Variants in ZBTB7C observed in about 807,000 individuals in gnomAD.
The protein encoded by ZBTB7C is zinc finger and BTB domain containing 7C.
In ZBTB7C, 8 loss-of-function variants were observed where a neutral mutation model predicts 25.7. The ratio of observed to expected loss-of-function variants is 0.31; its 90% confidence interval spans 0.18 to 0.56. ZBTB7C has a LOEUF of 0.56. ZBTB7C is among the 20% of genes least tolerant of loss of function. The pLI, the probability that ZBTB7C is intolerant of heterozygous loss-of-function variation, is 0.91. For missense variants in ZBTB7C, 824 were observed against 855.2 expected (o/e 0.96, Z 0.46); for synonymous variants, 394 against 369.0 (o/e 1.07, Z -0.78).
intron 3 of ZBTB7C, among the ~76,000 whole-genome samples, chr18:48,158,635 C>A (rs532095948): frequency 3.3e-5 from 5 of 152,276 alleles, no homozygotes; most frequent in African/African-American, 1.2e-4. Context: ...GGCCTACTTT[C>A]TCCTAGTTCC....
At chr18:48,141,149 C>G (rs1486186994) in intron 3 of ZBTB7C, among the ~76,000 whole-genome samples, 1 of 147,520 alleles carries the variant, frequency 6.8e-6, no homozygotes, top group Non-Finnish European at 1.5e-5. Context: ...CCGCACCACC[C>G]CCCCCACTGT....
intron 2 of ZBTB7C, among the ~76,000 whole-genome samples, chr18:48,313,154 G>A (rs984263490): frequency 1.3e-5 from 2 of 152,194 alleles, no homozygotes; most frequent in African/African-American, 4.8e-5. Context: ...TATCCAAGAT[G>A]ACACAGTATT....
intron 2 of ZBTB7C, among the ~76,000 whole-genome samples, chr18:48,186,965 A>G (rs2042071198): frequency 1.3e-5 from 2 of 152,240 alleles, no homozygotes; most frequent in Non-Finnish European, 2.9e-5. Context: ...AGTGAAGGCA[A>G]AGAGGCCTTG....
chr18:48,115,674 G>A (rs192757835), intron 3 of ZBTB7C, among the ~76,000 whole-genome samples: 28 of 152,240 alleles, frequency 1.8e-4, no homozygotes, highest in African/African-American at 6.5e-4. Flanking sequence ...ATGAACATTC[G>A]TATACTAGTA....
rs1018534204 is a variant in ZBTB7C at position 48,027,199 on chromosome 18, A to G, written c.*2061T>C. 15 of 152,064 alleles carry G rather than the reference A, an allele frequency of 9.9e-5. No homozygotes were observed. The highest frequency in any genetic ancestry group is 3.6e-4 in the African/African-American group (15 of 41,414). The allele number at this position is 152,064 out of a possible 1,614,324, so 9.4% of individuals were successfully genotyped here. A position where few individuals can be genotyped will look rare whatever the true frequency, so the allele number is the denominator to read the frequency against. On this transcript the variant is annotated 3_prime_UTR_variant, in exon 5 of 5. Coordinates refer to ENST00000590800, the MANE Select transcript of ZBTB7C (RefSeq NM_001318841.2). ...CAAGTTCTTGATCATACAGTACTCA[A>G]CATCTTTGGATATTTTACAATGTAC...
chr18:48,360,795 C>T (rs1257010230), intron 1 of ZBTB7C, among the ~76,000 whole-genome samples: 1 of 152,098 alleles, frequency 6.6e-6, no homozygotes, highest in East Asian at 1.9e-4. Context: ...AGGCATGTGG[C>T]AGAGACCCCA....
At chr18:48,310,554 G>A (rs1000247718) in intron 2 of ZBTB7C, among the ~76,000 whole-genome samples, 1 of 152,044 alleles carries the variant, frequency 6.6e-6, no homozygotes, top group Admixed American at 6.5e-5. Flanking sequence ...TTGTGTGTGT[G>A]TCTGTGTGTG....
intron 1 of ZBTB7C, among the ~76,000 whole-genome samples, chr18:48,382,767 T>C (rs1188670553): frequency 2.0e-5 from 3 of 152,202 alleles, no homozygotes; most frequent in African/African-American, 7.2e-5. Flanking sequence ...ATTCTTTGCT[T>C]ATATACAGAT....
intron 1 of ZBTB7C, among the ~76,000 whole-genome samples, chr18:48,347,138 T>G (rs1041220930): frequency 2.4e-4 from 35 of 145,080 alleles, no homozygotes; most frequent in African/African-American, 8.2e-4. Context: ...TTTTTTTTTT[T>G]TTTTTTTTTT....
Position 48,029,228 on chromosome 18 carries a change from G to A in ZBTB7C, c.*32C>T. The stretch of plus-strand genomic sequence containing the variant: ...TGGGCCTGGAGGGAGAAGGACTGGA[G>A]GGCTGGTGGGCTGGAGCCGACAGGG... On this transcript the variant is annotated 3_prime_UTR_variant, in exon 5 of 5. Coordinates refer to ENST00000590800, the MANE Select transcript of ZBTB7C (RefSeq NM_001318841.2). The A allele has an allele frequency of 6.6e-7, 1 of 1,520,352 alleles. No individual in the cohort carries two copies. The highest frequency in any genetic ancestry group is 8.7e-7 in the Non-Finnish European group (1 of 1,143,604). The allele number at this position is 1,520,352 out of a possible 1,614,324, so 94.2% of individuals were successfully genotyped here. A position where few individuals can be genotyped will look rare whatever the true frequency, so the allele number is the denominator to read the frequency against.
intron 1 of ZBTB7C, among the ~76,000 whole-genome samples, chr18:48,405,634 C>T (rs1024657148): frequency 6.6e-6 from 1 of 152,168 alleles, no homozygotes; most frequent in Non-Finnish European, 1.5e-5. Context: ...TCCTAAATTC[C>T]CCTAGGGCAG....
At chr18:48,300,810 G>A (rs1267365528) in intron 2 of ZBTB7C, among the ~76,000 whole-genome samples, 2 of 152,258 alleles carry the variant, frequency 1.3e-5, no homozygotes, top group Admixed American at 6.5e-5. Context: ...CACAGCAAGG[G>A]GACAACGAGA....
At chr18:48,212,109 C>G (rs1204825243) in intron 2 of ZBTB7C, among the ~76,000 whole-genome samples, 2 of 152,206 alleles carry the variant, frequency 1.3e-5, no homozygotes, top group African/African-American at 4.8e-5. Context: ...GATCTCAGCA[C>G]TTTGGGAGGC....
At chr18:48,409,111 G>T (rs148094900) in intron 1 of ZBTB7C, 115 bp downstream of exon 1, 5,431 of 151,246 alleles carry the variant, frequency 0.036, 332 homozygotes, top group African/African-American at 0.13. Context: ...CGCAGCCCAA[G>T]CAAAGCCACC....
intron 2 of ZBTB7C, among the ~76,000 whole-genome samples, chr18:48,222,074 T>C (rs2042978036): frequency 6.7e-6 from 1 of 149,910 alleles, no homozygotes; most frequent in Non-Finnish European, 1.5e-5. Context: ...CTAGACCCCC[T>C]CTATACTATC....
chr18:48,176,990 G>T (rs2041701407), intron 3 of ZBTB7C, among the ~76,000 whole-genome samples: 1 of 152,240 alleles, frequency 6.6e-6, no homozygotes, highest in South Asian at 2.1e-4. Context: ...ATGGTCTTGG[G>T]ACAATTAAAA....
chr18:48,223,910 A>G (rs1339720370), intron 2 of ZBTB7C, among the ~76,000 whole-genome samples: 2 of 152,146 alleles, frequency 1.3e-5, no homozygotes, highest in Admixed American at 6.6e-5. Flanking sequence ...AACCTTGGAG[A>G]CAGAAGCGGC....
chr18:48,105,649 T>C (rs2039002364), intron 3 of ZBTB7C, among the ~76,000 whole-genome samples: 1 of 152,122 alleles, frequency 6.6e-6, no homozygotes, highest in Non-Finnish European at 1.5e-5. Context: ...CTCAGTGGTG[T>C]GCTGGTGAAA....
chr18:48,316,633 T>C (rs550507709), intron 2 of ZBTB7C, among the ~76,000 whole-genome samples: 1 of 152,322 alleles, frequency 6.6e-6, no homozygotes, highest in African/African-American at 2.4e-5. Context: ...TGGCATCTCT[T>C]GCTCCCTCTC....
Sources: gnomAD v4.1 joint callset for allele counts (sites outside exome capture counted in the v4.1 genomes callset) on GRCh38, gnomAD v4.1.1 for gene constraint, MANE v1.5 for transcripts, NCBI Gene and HGNC (gene_info 2026-07-23, HGNC 2026-07-21) for gene names.